Variants in CDH18 observed in about 807,000 individuals in gnomAD.
CDH18 encodes the protein cadherin 18.
In CDH18, 31 loss-of-function variants were observed where a neutral mutation model predicts 67.9. The observed-to-expected ratio is 0.46, with a 90% CI of 0.34 to 0.62. The LOEUF is 0.62. Among genes scored for constraint, CDH18 ranks in the 20% least tolerant of loss-of-function variants. CDH18 has a pLI of 0.01. For synonymous variants in CDH18, 362 were observed against 347.2 expected (o/e 1.04, Z -0.48); for missense variants, 890 against 975.5 (o/e 0.91, Z 1.17).
At chr5:19,924,204 T>C (rs947798577) in intron 2 of CDH18, among the ~76,000 whole-genome samples, 3 of 152,320 alleles carry the variant, frequency 2.0e-5, no homozygotes, top group South Asian at 2.1e-4. Context: ...TTGAGAGTCA[T>C]GCTCCTTTGG....
At chr5:19,661,565 G>A (rs1346119497) in intron 5 of CDH18, among the ~76,000 whole-genome samples, 2 of 151,808 alleles carry the variant, frequency 1.3e-5, no homozygotes, top group Non-Finnish European at 1.5e-5. Flanking sequence ...GTAAGATTTC[G>A]AAGCAAATTC....
Position 19,964,668 on chromosome 5 carries a change from AAAAG to A in CDH18, c.-257+16388_-257+16391del, listed in dbSNP as rs576201808. 6.0e-3 allele frequency among the ~76,000 whole-genome samples: 908 copies of A among 151,706 alleles called. 4 individuals carry two copies. Among genetic ancestry groups the A allele is most frequent in the Middle Eastern group, 0.01 (3 of 294 alleles). ...GTATCAAAAAAAAAAAAAAGAAAAAAAAAGAAAGAAAAGACCTTGAATGTAAATT... is the reference window on the plus strand; with the variant it reads ...GTATCAAAAAAAAAAAAAAGAAAAAAAAAGAAAAGACCTTGAATGTAAATT... On this transcript the variant is annotated intron_variant, in intron 2 of 12. Transcript: ENST00000382275.
intron 2 of CDH18, among the ~76,000 whole-genome samples, chr5:20,221,185 C>T (rs1383082758): frequency 5.9e-5 from 9 of 152,038 alleles, no homozygotes; most frequent in Admixed American, 2.6e-4. Context: ...GCACTATTCA[C>T]AATAGCCAAG....
chr5:19,507,812 G>A lies in CDH18; in HGVS notation c.1513-4703C>T, dbSNP rs566804936. ...GGAGATATATCTAATGTTAAATGAC[G>A]AGTTAATAGGTGCAGCCCACCAACA... On this transcript the variant is annotated intron_variant, in intron 10 of 12. Coordinates refer to ENST00000382275, the MANE Select transcript of CDH18 (RefSeq NM_004934.5). Among the ~76,000 whole-genome samples, 22 of 152,124 alleles carry A rather than the reference G, an allele frequency of 1.4e-4. No individual in the cohort carries two copies. The South Asian group carries it at 4.4e-3, about 30-fold the overall frequency.
At chr5:20,256,542 C>A (rs1374206138) in intron 1 of CDH18, among the ~76,000 whole-genome samples, 1 of 151,920 alleles carries the variant, frequency 6.6e-6, no homozygotes, top group Non-Finnish European at 1.5e-5. Context: ...AAACACATAA[C>A]AAAAGAGACA....
At chr5:20,081,736 T>A (rs540831118) in intron 2 of CDH18, among the ~76,000 whole-genome samples, 1 of 152,180 alleles carries the variant, frequency 6.6e-6, no homozygotes, top group Admixed American at 6.6e-5. Flanking sequence ...AAGTGGGAGC[T>A]AAACATTGAG....
chr5:19,565,640 C>T (rs1232710113), intron 8 of CDH18, among the ~76,000 whole-genome samples: 1 of 152,204 alleles, frequency 6.6e-6, no homozygotes, highest in Non-Finnish European at 1.5e-5. Context: ...AATGACTCTT[C>T]AGTGGTGCTG....
At chr5:20,496,156 T>G (rs1273548022) in intron 1 of CDH18, among the ~76,000 whole-genome samples, 2 of 152,216 alleles carry the variant, frequency 1.3e-5, no homozygotes, top group Admixed American at 6.5e-5. Context: ...AGAAAGTAAT[T>G]TAGGTCAACA....
intron 2 of CDH18, among the ~76,000 whole-genome samples, chr5:19,897,020 T>C (rs1052275639): frequency 6.6e-6 from 1 of 152,154 alleles, no homozygotes; most frequent in African/African-American, 2.4e-5. Flanking sequence ...ATGACTTTAG[T>C]GTTTGCAAAG....
chr5:20,319,803 T>C (rs972169199), intron 1 of CDH18, among the ~76,000 whole-genome samples: 1 of 152,186 alleles, frequency 6.6e-6, no homozygotes, highest in Non-Finnish European at 1.5e-5. Flanking sequence ...AAAAACACTA[T>C]ATATAGAAAC....
At chr5:20,533,489 C>A (rs973760810) in intron 1 of CDH18, among the ~76,000 whole-genome samples, 5 of 151,922 alleles carry the variant, frequency 3.3e-5, no homozygotes, top group African/African-American at 1.2e-4. Context: ...AGAGGATGAG[C>A]CTTAATCTTA....
chr5:20,084,495 A>G (rs1316186506), intron 2 of CDH18, among the ~76,000 whole-genome samples: 1 of 152,006 alleles, frequency 6.6e-6, no homozygotes, highest in Admixed American at 6.6e-5. Context: ...TCTGGAGGAG[A>G]GTGACCCTCT....
intron 1 of CDH18, among the ~76,000 whole-genome samples, chr5:20,290,528 G>A (rs1390254698): frequency 1.3e-5 from 2 of 152,060 alleles, no homozygotes; most frequent in Non-Finnish European, 2.9e-5. Context: ...ATACCTCAAA[G>A]AATGAACTAT....
At chr5:19,602,265 A>G (rs368034708) in intron 6 of CDH18, among the ~76,000 whole-genome samples, 12 of 152,132 alleles carry the variant, frequency 7.9e-5, no homozygotes, top group African/African-American at 2.7e-4. Context: ...AGAACTAATA[A>G]AGTAATTCAG....
At chr5:20,463,401 C>T (rs1751410579) in intron 1 of CDH18, among the ~76,000 whole-genome samples, 1 of 151,918 alleles carries the variant, frequency 6.6e-6, no homozygotes, top group African/African-American at 2.4e-5. Flanking sequence ...TGTAGAAATA[C>T]CCGAGACTGG....
intron 2 of CDH18, among the ~76,000 whole-genome samples, chr5:19,938,724 A>G (rs10072428): frequency 0.6 from 91,222 of 151,008 alleles, 27,967 homozygotes; most frequent in Middle Eastern, 0.72. Context: ...AAAAATAAAC[A>G]TGCTTGCCTA....
At chr5:19,545,924 A>G (rs1736239311) in intron 8 of CDH18, among the ~76,000 whole-genome samples, 1 of 152,196 alleles carries the variant, frequency 6.6e-6, no homozygotes, top group Non-Finnish European at 1.5e-5. Context: ...ATTATAAGAG[A>G]AAAGAAATAA....
intron 8 of CDH18, among the ~76,000 whole-genome samples, chr5:19,561,657 T>A (rs1212967433): frequency 6.6e-6 from 1 of 152,098 alleles, no homozygotes; most frequent in Non-Finnish European, 1.5e-5. Flanking sequence ...CTATTGAATT[T>A]TTTTTAAATA....
In CDH18 at chr5:20,021,986, T is replaced by C. The variant is rs535365029; in HGVS notation, c.-517-29972A>G. 2.6e-5 allele frequency among the ~76,000 whole-genome samples: 4 copies of C among 152,302 alleles called. No individual in the cohort carries two copies. The East Asian group carries it at 5.8e-4, about 22-fold the overall frequency. On this transcript the variant is annotated intron_variant, in intron 2 of 14. Transcript: ENST00000507958. ...TTTAGCCCCCAGAAAATAACCACCT[T>C]AGAAAAACTACAACGCAATTGACTT...
Sources: gnomAD v4.1 joint callset for allele counts (sites outside exome capture counted in the v4.1 genomes callset) on GRCh38, gnomAD v4.1.1 for gene constraint, MANE v1.5 for transcripts, NCBI Gene and HGNC (gene_info 2026-07-23, HGNC 2026-07-21) for gene names.